The following RIPK4 variants were observed in gnomAD, a reference collection of about 807,000 sequenced individuals.
RIPK4 encodes the protein receptor-interacting serine/threonine-protein kinase 4.
In RIPK4, 17 loss-of-function variants were observed where a neutral mutation model predicts 42.9. The ratio of observed to expected loss-of-function variants is 0.40; its 90% CI spans 0.27 to 0.59. RIPK4 has a LOEUF of 0.59. RIPK4 is among the 20% of genes least tolerant of loss of function. RIPK4 has a pLI of 0.47. For missense variants in RIPK4, 897 were observed against 1,104.4 expected (o/e 0.81, Z 2.66); for synonymous variants, 498 against 499.1 (o/e 1.00, Z 0.03).
At position 41,757,998 on chromosome 21, in the gene RIPK4, C is replaced by CCA. The variant is rs1479763213; in HGVS notation, c.183-1183_183-1182insTG. Among the ~76,000 whole-genome samples the CCA allele has an allele frequency of 2.3e-4, 3 of 13,076 alleles. 1 individual carries two copies. Among genetic ancestry groups the CCA allele is most frequent in the Admixed American group, 2.9e-3 (2 of 682 alleles). The allele number at this position is 13,076 out of a possible 152,430, so 8.6% of individuals were successfully genotyped here. The stretch of plus-strand genomic sequence containing the variant: ...TGGGCGACACAGAGAGACTCCATAA[C>CCA]AAAAAAAAAAAAAAAAAAAAAAAAT... On this transcript the variant is annotated intron_variant, in intron 1 of 7. Transcript: ENST00000332512.
rs775639110 is a variant in RIPK4 at position 41,744,097 on chromosome 21, T to A, written c.980A>T (p.Asp327Val). Residue 327 changes from aspartate (D) to valine (V), a missense_variant, in exon 7 of 8, where the codon GAT becomes GTT. By Grantham distance (152) the Asp-to-Val change is radical. Coordinates refer to ENST00000332512, the MANE Select transcript of RIPK4 (RefSeq NM_020639.3). ...CAGCTCGGAGAGGCTGTAGTCGTTA[T>A]CGAAGGTGGGGGCAGAGGCCCGCTT... ...RLKRASAPTF[D>V]NDYSLSELLS... is the part of the protein sequence containing the mutation. 6.2e-7 allele frequency: 1 copy of A among 1,608,156 alleles called. No homozygotes were observed. Among genetic ancestry groups the A allele is most frequent in the East Asian group, 2.2e-5 (1 of 44,740 alleles).
chr21:41,754,369 A>G (rs1039313488), intron 2 of RIPK4, among the ~76,000 whole-genome samples: 6 of 152,204 alleles, frequency 3.9e-5, no homozygotes, highest in Middle Eastern at 3.2e-3. Context: ...GATGGTGACT[A>G]ACATGCCTGA....
At position 41,741,576 on chromosome 21, in the gene RIPK4, C is replaced by T. The variant is rs61740535; in HGVS notation, c.1617G>A (p.Thr539=). The change falls in exon 8 of 8, where the codon ACG becomes ACA. Residue 539 remains threonine (T), a synonymous_variant. Transcript: ENST00000332512. ...CGTGCTGGCAGGCCACGTGCATGGGCGTCCGGCCCTCAAAGTCCACCTCGT... is the reference window on the plus strand; with the variant it reads ...CGTGCTGGCAGGCCACGTGCATGGGTGTCCGGCCCTCAAAGTCCACCTCGT... ...SVNEVDFEGR[T]PMHVACQHGQ... 8.9e-4 allele frequency: 1,430 copies of T among 1,611,808 alleles called. 12 individuals are homozygous for T. The African/African-American group carries it at 0.013, about 14-fold the overall frequency.
chr21:41,746,741 T>C lies in RIPK4; in HGVS notation c.704A>G (p.Lys235Arg). The C allele has an allele frequency of 6.2e-7, 1 of 1,606,192 alleles. No individual in the cohort carries two copies. Residue 235 changes from lysine to arginine, a missense_variant, in exon 5 of 8, where the codon AAG becomes AGG. Lys to Arg is a conservative substitution (Grantham distance 26, BLOSUM62 2). Coordinates refer to ENST00000332512, the MANE Select transcript of RIPK4 (RefSeq NM_020639.3). ...DEKNILHIMV[K>R]VVKGHRPELP... ...CTCGGGGCGGTGGCCCTTCACCACC[T>C]TCACCATGATGTGCAGGATGTTCTT...
At chr21:41,743,500 G>C (rs535160403) in intron 7 of RIPK4, among the ~76,000 whole-genome samples, 4 of 152,348 alleles carry the variant, frequency 2.6e-5, no homozygotes, top group South Asian at 4.1e-4. Context: ...ACCCAGCAGC[G>C]TCTGAGCAGA....
At chr21:41,761,680 A>G (rs2146060783) in intron 1 of RIPK4, among the ~76,000 whole-genome samples, 1 of 152,372 alleles carries the variant, frequency 6.6e-6, no homozygotes, top group East Asian at 1.9e-4. Flanking sequence ...ACATTCTGAG[A>G]GTGAACTCTC....
intron 1 of RIPK4, among the ~76,000 whole-genome samples, chr21:41,765,080 G>A (rs1280455680): frequency 1.3e-5 from 2 of 152,216 alleles, no homozygotes; most frequent in African/African-American, 2.4e-5. Flanking sequence ...GGGACTGGTC[G>A]CTAGAAATAA....
chr21:41,759,226 G>T (rs1051250475), intron 1 of RIPK4, among the ~76,000 whole-genome samples: 2 of 152,062 alleles, frequency 1.3e-5, no homozygotes, highest in African/African-American at 2.4e-5. Flanking sequence ...AGCCTCCAGG[G>T]TAGCTGGGAT....
intron 3 of RIPK4, among the ~76,000 whole-genome samples, chr21:41,750,194 G>A (rs899502528): frequency 3.9e-5 from 6 of 152,168 alleles, no homozygotes; most frequent in Non-Finnish European, 7.3e-5. Context: ...TGCTGGCGGC[G>A]GCAGTGACCA....
At chr21:41,745,673 CG>C in intron 6 of RIPK4, 85 bp downstream of exon 6, 1 of 975,296 alleles carries the variant, frequency 1.0e-6, no homozygotes, top group Non-Finnish European at 1.6e-6. Context: ...GTCCGGGCGG[CG>C]GGGGACTCTG....
chr21:41,765,205 C>T (rs1026431633), intron 1 of RIPK4, among the ~76,000 whole-genome samples: 10 of 152,202 alleles, frequency 6.6e-5, no homozygotes, highest in African/African-American at 2.2e-4. Context: ...AAAGCTCACA[C>T]ACATCCCCAA....
intron 1 of RIPK4, among the ~76,000 whole-genome samples, chr21:41,764,773 G>A (rs1760832912): frequency 6.6e-6 from 1 of 152,180 alleles, no homozygotes; most frequent in African/African-American, 2.4e-5. Flanking sequence ...AAAGGAATCA[G>A]CTTCACAAAG....
At chr21:41,748,613 T>C (rs1401813152) in intron 4 of RIPK4, among the ~76,000 whole-genome samples, 2 of 152,336 alleles carry the variant, frequency 1.3e-5, no homozygotes, top group African/African-American at 2.4e-5. Context: ...GCTCCTGAAC[T>C]GTATGCTTCA....
intron 4 of RIPK4, 34 bp from the exon 5 acceptor site, chr21:41,746,805 C>T (rs1229056128): frequency 3.9e-6 from 6 of 1,547,012 alleles, no homozygotes; most frequent in South Asian, 1.2e-5. Context: ...AGGGGCTCTG[C>T]AGGGCTGGGT....
At position 41,748,351 on chromosome 21, in the gene RIPK4, T is replaced by C. The variant is rs1335770299; in HGVS notation, c.673+803A>G. Reference sequence around the variant, plus strand: ...AGACATTTTCGGTCACACCACAAAATATCATGAGTAGCCCAGAAATGTCTT... The same window carrying C: ...AGACATTTTCGGTCACACCACAAAACATCATGAGTAGCCCAGAAATGTCTT... On this transcript the variant is annotated intron_variant, in intron 4 of 7. Transcript: ENST00000332512. Among the ~76,000 whole-genome samples the C allele has an allele frequency of 3.9e-5, 6 of 152,216 alleles. No homozygotes were observed. In the East Asian group the frequency reaches 1.2e-3, roughly 29 times the overall value.
chr21:41,745,027 C>T (rs936510771), intron 6 of RIPK4, among the ~76,000 whole-genome samples: 15 of 152,242 alleles, frequency 9.9e-5, no homozygotes, highest in African/African-American at 3.6e-4. Flanking sequence ...CTGGGTGTAC[C>T]GAGCCACCCC....
chr21:41,746,526 A>C, intron 5 of RIPK4, 87 bp downstream of exon 5: 1 of 1,503,228 alleles, frequency 6.7e-7, no homozygotes, highest in Non-Finnish European at 9.0e-7. Flanking sequence ...TTTCTCACCC[A>C]GGCCTGGTCC....
At chr21:41,752,157 T>C (rs1475616328) in intron 2 of RIPK4, among the ~76,000 whole-genome samples, 1 of 152,228 alleles carries the variant, frequency 6.6e-6, no homozygotes, top group African/African-American at 2.4e-5. Context: ...ACACAAGTCA[T>C]CAGCATTAAT....
At chr21:41,745,458 G>A (rs1042975408) in intron 6 of RIPK4, among the ~76,000 whole-genome samples, 38 of 152,192 alleles carry the variant, frequency 2.5e-4, no homozygotes, top group African/African-American at 7.5e-4. Flanking sequence ...CTCCCTCCCC[G>A]GCCGGGGCTG....
Sources: allele counts gnomAD v4.1 joint callset (sites outside exome capture counted in the v4.1 genomes callset), GRCh38; gene constraint gnomAD v4.1.1; transcripts MANE v1.5; gene names NCBI Gene and HGNC (gene_info 2026-07-23, HGNC 2026-07-21).